Variants in SCFD2 observed in about 807,000 individuals in gnomAD.
SCFD2 encodes the protein sec1 family domain containing 2.
Under a neutral mutation model 58.9 loss-of-function variants are expected in SCFD2, and 54 were observed. The ratio of observed to expected loss-of-function variants is 0.92; its 90% CI spans 0.74 to 1.15. The LOEUF (loss-of-function observed/expected upper bound fraction) is 1.15, where lower values mean the gene tolerates loss of function less well. Among genes scored for constraint, SCFD2 ranks in the 50% most tolerant of loss-of-function variants. The pLI is 0.00. For missense variants in SCFD2, 805 were observed against 836.6 expected (o/e 0.96, Z 0.47); for synonymous variants, 321 against 335.9 (o/e 0.96, Z 0.49).
chr4:52,971,436 T>C (rs902475110), intron 5 of SCFD2, among the ~76,000 whole-genome samples: 10 of 151,856 alleles, frequency 6.6e-5, no homozygotes, highest in African/African-American at 1.9e-4. Context: ...ATCAAATGAA[T>C]GAAATGAAGC....
intron 5 of SCFD2, among the ~76,000 whole-genome samples, chr4:53,008,331 C>T (rs1722024738): frequency 6.6e-6 from 1 of 152,014 alleles, no homozygotes; most frequent in Admixed American, 6.6e-5. Flanking sequence ...AGAATGACAC[C>T]CCCCCTTCCC....
At chr4:53,106,822 A>G (rs923019297) in intron 5 of SCFD2, among the ~76,000 whole-genome samples, 1 of 152,234 alleles carries the variant, frequency 6.6e-6, no homozygotes, top group African/African-American at 2.4e-5. Flanking sequence ...ATCCAGGAGA[A>G]CTTCCCCAAC....
intron 2 of SCFD2, among the ~76,000 whole-genome samples, chr4:53,332,784 A>G (rs1733533700): frequency 6.6e-6 from 1 of 151,718 alleles, no homozygotes; most frequent in African/African-American, 2.4e-5. Flanking sequence ...ACGGTATTCA[A>G]TTAGGAAAAG....
chr4:53,335,211 A>AAAAC (rs1733642355), intron 2 of SCFD2, among the ~76,000 whole-genome samples: 1 of 138,582 alleles, frequency 7.2e-6, no homozygotes. Context: ...AAAAAAAAAA[A>AAAAC]AACAACAAAA....
chr4:52,924,320 G>T (rs1484787192), intron 5 of SCFD2, among the ~76,000 whole-genome samples: 2 of 152,096 alleles, frequency 1.3e-5, no homozygotes, highest in Non-Finnish European at 2.9e-5. Context: ...CTGTGTAATT[G>T]CAGGGATTTA....
chr4:52,931,332 G>GT (rs1719988885), intron 5 of SCFD2, among the ~76,000 whole-genome samples: 1 of 152,160 alleles, frequency 6.6e-6, no homozygotes, highest in Non-Finnish European at 1.5e-5. Flanking sequence ...AAGCTGTTGG[G>GT]TGGTAGAGCC....
chr4:53,032,795 T>G (rs1187159672), intron 5 of SCFD2, among the ~76,000 whole-genome samples: 1 of 152,060 alleles, frequency 6.6e-6, no homozygotes, highest in Non-Finnish European at 1.5e-5. Flanking sequence ...ATGCACCCAA[T>G]ACACAAGCAC....
At chr4:53,252,043 A>T (rs929591098) in intron 4 of SCFD2, among the ~76,000 whole-genome samples, 14 of 152,164 alleles carry the variant, frequency 9.2e-5, no homozygotes, top group African/African-American at 3.4e-4. Flanking sequence ...AAGTCTCAGG[A>T]TACAAAATCA....
intron 5 of SCFD2, among the ~76,000 whole-genome samples, chr4:53,096,987 C>G (rs1724669040): frequency 6.6e-6 from 1 of 152,080 alleles, no homozygotes; most frequent in Non-Finnish European, 1.5e-5. Context: ...TTCCTCATTT[C>G]TTGTTTTTGT....
chr4:52,907,416 A>C (rs776068126), intron 7 of SCFD2, 41 bp downstream of exon 7: 2 of 1,599,404 alleles, frequency 1.3e-6, no homozygotes, highest in Non-Finnish European at 1.7e-6. Flanking sequence ...AGCAAAGAGA[A>C]CATTTCTACA....
chr4:53,065,468 G>A (rs1723636408), intron 5 of SCFD2, among the ~76,000 whole-genome samples: 1 of 152,014 alleles, frequency 6.6e-6, no homozygotes, highest in Non-Finnish European at 1.5e-5. Flanking sequence ...AAATCCTGCT[G>A]AGAAACTAGC....
intron 5 of SCFD2, among the ~76,000 whole-genome samples, chr4:52,939,864 T>A (rs2109511399): frequency 6.6e-6 from 1 of 152,358 alleles, no homozygotes; most frequent in South Asian, 2.1e-4. Context: ...ATATGCCATA[T>A]GTTTCACCTT....
rs567302906 is a variant in SCFD2, at chr4:53,218,618, G to A, written c.1311+55208C>T. Among the ~76,000 whole-genome samples the A allele has an allele frequency of 4.5e-4, 69 of 152,218 alleles. No individual in the cohort carries two copies. The South Asian group carries it at 6.2e-3, about 14-fold the overall frequency. ...TACTTTAGCTCAGAGAAGTTTGATC[G>A]TCTGAAGCCTTCTTCTCTCAACTCG... is the stretch of plus-strand genomic sequence containing the variant. On this transcript the variant is annotated intron_variant, in intron 4 of 8. Coordinates refer to ENST00000401642, the MANE Select transcript of SCFD2 (RefSeq NM_152540.4).
At chr4:53,114,662 G>C (rs1343995210) in intron 5 of SCFD2, among the ~76,000 whole-genome samples, 3 of 152,068 alleles carry the variant, frequency 2.0e-5, no homozygotes, top group Non-Finnish European at 4.4e-5. Context: ...ATTTTCAGTT[G>C]AAAGAAAATT....
At position 52,879,182 on chromosome 4, in the gene SCFD2, T is replaced by A. The variant is rs1053137104; in HGVS notation, c.1963-5121A>T. ...CAGCCTCCTTCTCAAGCCAGAGGCA[T>A]CCAGGACACTCAAGAGCACCCCGCA... On this transcript the variant is annotated intron_variant, in intron 8 of 8. Coordinates refer to ENST00000401642, the MANE Select transcript of SCFD2 (RefSeq NM_152540.4). Among the ~76,000 whole-genome samples the A allele has an allele frequency of 2.6e-5, 4 of 152,262 alleles. No homozygotes were observed. The South Asian group carries it at 8.3e-4, about 32-fold the overall frequency.
intron 1 of SCFD2, among the ~76,000 whole-genome samples, chr4:53,355,857 AG>A (rs1364713070): frequency 3.9e-5 from 6 of 152,308 alleles, no homozygotes; most frequent in Non-Finnish European, 7.4e-5. Flanking sequence ...ATCATTAGGT[AG>A]CCACATGGTA....
chr4:52,928,386 C>T (rs1268373213), intron 5 of SCFD2, among the ~76,000 whole-genome samples: 1 of 152,030 alleles, frequency 6.6e-6, no homozygotes, highest in East Asian at 1.9e-4. Flanking sequence ...GGACAATTTC[C>T]CCTTTCATAT....
chr4:53,248,475 C>A (rs1349802283), intron 4 of SCFD2, among the ~76,000 whole-genome samples: 1 of 152,220 alleles, frequency 6.6e-6, no homozygotes, highest in East Asian at 1.9e-4. Context: ...GGGCAGGGCA[C>A]AGACAAACAA....
At chr4:53,149,667 C>G (rs1726449424) in intron 4 of SCFD2, among the ~76,000 whole-genome samples, 1 of 152,146 alleles carries the variant, frequency 6.6e-6, no homozygotes, top group South Asian at 2.1e-4. Context: ...TTTACCTTAG[C>G]ATAACCAGTG....
Sources: allele counts gnomAD v4.1 joint callset (sites outside exome capture counted in the v4.1 genomes callset), GRCh38; gene constraint gnomAD v4.1.1; transcripts MANE v1.5; gene names NCBI Gene and HGNC (gene_info 2026-07-23, HGNC 2026-07-21).